The following SPAST variants were observed in gnomAD, a reference collection of about 807,000 sequenced individuals.
SPAST encodes spastin, also known as spastic paraplegia 4 (autosomal dominant; spastin).
SPAST carries 30 observed loss-of-function variants against 76.6 expected under a neutral mutation model. The observed-to-expected ratio is 0.39, with a 90% confidence interval of 0.29 to 0.53. The LOEUF (loss-of-function observed/expected upper bound fraction) is 0.53. Ranked by LOEUF, SPAST falls within the 20% of genes least tolerant of loss-of-function variation. The probability of loss-of-function intolerance (pLI) is 0.68; values close to 1 mark genes in which losing one functional copy is unlikely to be tolerated. For missense variants in SPAST, 717 were observed against 770.5 expected, an observed-to-expected ratio of 0.93 and a Z score of 0.82; for synonymous variants, 305 against 281.0, an observed-to-expected ratio of 1.09 and a Z score of -0.86.
At chr2:32,071,931 G>C (rs1317443337) in intron 1 of SPAST, among the ~76,000 whole-genome samples, 2 of 152,280 alleles carry the variant, frequency 1.3e-5, no homozygotes, top group South Asian at 4.1e-4. Context: ...CTTGGAAAGG[G>C]AAAGGATTCT....
chr2:32,086,956 GT>G (rs2148708455), intron 1 of SPAST, among the ~76,000 whole-genome samples: 1 of 152,242 alleles, frequency 6.6e-6, no homozygotes, highest in East Asian at 1.9e-4. Context: ...AGGAATTAAT[GT>G]TTTAAACTAG....
chr2:32,118,255 C>T (rs1678908997), intron 7 of SPAST, among the ~76,000 whole-genome samples: 1 of 152,042 alleles, frequency 6.6e-6, no homozygotes, highest in Non-Finnish European at 1.5e-5. Flanking sequence ...TCACATACTG[C>T]CTTTATGGTG....
At position 32,108,697 on chromosome 2, in the gene SPAST, C is replaced by T. The variant is rs376242479; in HGVS notation, c.683-5941C>T. On this transcript the variant is annotated intron_variant, in intron 4 of 16. Transcript: ENST00000315285. ...AACTCCTGGGCTCAATCATTTCTGC[C>T]GCCTCAGACTCCCAGAGTGTTGGGA... is the stretch of plus-strand genomic sequence containing the variant. Among the ~76,000 whole-genome samples the T allele has an allele frequency of 3.3e-4, 49 of 150,056 alleles. 1 individual carries two copies. Among genetic ancestry groups the T allele is most frequent in the Middle Eastern group, 3.5e-3 (1 of 288 alleles).
chr2:32,153,617 A>T (rs1165311915), intron 16 of SPAST, among the ~76,000 whole-genome samples: 3 of 151,962 alleles, frequency 2.0e-5, no homozygotes, highest in African/African-American at 7.2e-5. Flanking sequence ...TGCTTGGCCA[A>T]AATTTTTATT....
At chr2:32,100,394 A>G (rs1425122659) in intron 4 of SPAST, among the ~76,000 whole-genome samples, 2 of 147,856 alleles carry the variant, frequency 1.4e-5, no homozygotes, top group Non-Finnish European at 3.0e-5. Context: ...TTTTCAAATT[A>G]TACCAGAACA....
At position 32,144,946 on chromosome 2, in the gene SPAST, T is replaced by C; in HGVS notation, c.1626T>C (p.Asp542=). ...TCCTTCCCTTCCTCAGAATGACTGA[T>C]GGATACTCAGGAAGTGACCTAACAG... is the stretch of plus-strand genomic sequence containing the variant. ...KELAQLARMT[D]GYSGSDLTAL... Residue 542 remains aspartate (D), a synonymous_variant, in exon 15 of 17, where the codon GAT becomes GAC. Coordinates refer to ENST00000315285, the MANE Select transcript of SPAST (RefSeq NM_014946.4). The C allele has an allele frequency of 1.9e-6, 3 of 1,611,994 alleles. No homozygotes were observed. Among genetic ancestry groups the C allele is most frequent in the Non-Finnish European group, 2.5e-6 (3 of 1,178,682 alleles).
At position 32,120,629 on chromosome 2, in the gene SPAST, A is replaced by G. The variant is rs561780417; in HGVS notation, c.1098+4417A>G. ...TTCCTGGAACCACCTTCTTCTTTTC[A>G]TTCGAGACCAAATGCTTTCCATGCC... On this transcript the variant is annotated intron_variant, in intron 7 of 16. Coordinates refer to ENST00000315285, the MANE Select transcript of SPAST (RefSeq NM_014946.4). Among the ~76,000 whole-genome samples the G allele has an allele frequency of 1.7e-4, 21 of 126,180 alleles. No homozygotes were observed. In the East Asian group the frequency reaches 4.4e-3, roughly 27 times the overall value. The allele number at this position is 126,180 out of a possible 152,430, so 82.8% of individuals were successfully genotyped here.
chr2:32,101,395 TC>T (rs1472353047), intron 4 of SPAST, among the ~76,000 whole-genome samples: 1 of 152,236 alleles, frequency 6.6e-6, no homozygotes, highest in East Asian at 1.9e-4. Flanking sequence ...GCAAAAATTT[TC>T]TCCCATTCTA....
chr2:32,071,099 A>G (rs764909433), intron 1 of SPAST, among the ~76,000 whole-genome samples: 8 of 152,216 alleles, frequency 5.3e-5, no homozygotes, highest in Non-Finnish European at 8.8e-5. Flanking sequence ...TTACTAGAAC[A>G]TATCATGTTC....
chr2:32,139,667 A>C (rs1679652350), intron 12 of SPAST, among the ~76,000 whole-genome samples: 1 of 151,998 alleles, frequency 6.6e-6, no homozygotes, highest in Admixed American at 6.6e-5. Flanking sequence ...GTCTCTACTA[A>C]AAATACAAAA....
chr2:32,073,842 G>A (rs765626436), intron 1 of SPAST, among the ~76,000 whole-genome samples: 6 of 152,144 alleles, frequency 3.9e-5, no homozygotes, highest in Non-Finnish European at 5.9e-5. Context: ...TTTTCTTAGA[G>A]GTTATTAAAT....
intron 1 of SPAST, among the ~76,000 whole-genome samples, chr2:32,070,764 G>C (rs1676718020): frequency 6.6e-6 from 1 of 152,044 alleles, no homozygotes; most frequent in African/African-American, 2.4e-5. Context: ...CTAGTAGCTG[G>C]GTCTACAGAC....
intron 3 of SPAST, among the ~76,000 whole-genome samples, chr2:32,096,058 A>G (rs771765276): frequency 1.2e-4 from 19 of 152,244 alleles, no homozygotes; most frequent in Non-Finnish European, 2.8e-4. Context: ...GAGGTAAAGC[A>G]GCAAAGTTAC....
rs951026978 is a variant in SPAST, at chr2:32,063,696, G to A, written c.-136G>A. 2 of 1,168,460 alleles carry A rather than the reference G, an allele frequency of 1.7e-6. No homozygotes were observed. The highest frequency in any genetic ancestry group is 1.2e-6 in the Non-Finnish European group (1 of 848,492). The allele number at this position is 1,168,460 out of a possible 1,614,324, so 72.4% of individuals were successfully genotyped here. On this transcript the variant is annotated 5_prime_UTR_variant, in exon 1 of 17. Transcript: ENST00000315285. The stretch of plus-strand genomic sequence containing the variant: ...GGGGCGGGGCCGGCGGGCAGCGTGC[G>A]GCAGTGCGGAGCTCCTGAGACCGGC...
chr2:32,068,025 C>T (rs1676593341), intron 1 of SPAST, among the ~76,000 whole-genome samples: 2 of 149,866 alleles, frequency 1.3e-5, no homozygotes, highest in Admixed American at 1.3e-4. Context: ...GTCGCCCAGG[C>T]TAGAGTGCAG....
chr2:32,088,901 A>G (rs1440960281), intron 2 of SPAST, among the ~76,000 whole-genome samples: 1 of 152,178 alleles, frequency 6.6e-6, no homozygotes, highest in East Asian at 1.9e-4. Flanking sequence ...GGTGGATAGC[A>G]TTAGTAAGTT....
chr2:32,081,192 C>A (rs1007532614), intron 1 of SPAST, among the ~76,000 whole-genome samples: 1 of 151,936 alleles, frequency 6.6e-6, no homozygotes. Context: ...CTCCTGATCT[C>A]ATGATCCACC....
At chr2:32,121,233 A>G (rs1001986328) in intron 7 of SPAST, among the ~76,000 whole-genome samples, 2 of 150,752 alleles carry the variant, frequency 1.3e-5, no homozygotes, top group Non-Finnish European at 3.0e-5. Context: ...GCTCACTGCA[A>G]CCTCCACCTC....
chr2:32,110,829 T>C (rs1249448196), intron 4 of SPAST, among the ~76,000 whole-genome samples: 13 of 115,056 alleles, frequency 1.1e-4, no homozygotes, highest in Non-Finnish European at 2.0e-4. Flanking sequence ...ATAGAGTATA[T>C]ATACAGTATA....
Sources: gnomAD v4.1 joint callset for allele counts (sites outside exome capture counted in the v4.1 genomes callset) on GRCh38, gnomAD v4.1.1 for gene constraint, MANE v1.5 for transcripts, NCBI Gene and HGNC (gene_info 2026-07-23, HGNC 2026-07-21) for gene names.